Variants in OR5A1 observed in about 807,000 individuals in gnomAD.
OR5A1 encodes the protein olfactory receptor family 5 subfamily A member 1.
In OR5A1, 6 loss-of-function variants were observed where a neutral mutation model predicts 6.7. That is an observed-to-expected ratio of 0.89 (90% CI 0.49 to 1.76). The LOEUF (loss-of-function observed/expected upper bound fraction) is 1.76. Ranked by LOEUF, OR5A1 falls within the 40% of genes most tolerant of loss-of-function variation. The pLI, the probability that OR5A1 is intolerant of heterozygous loss-of-function variation, is 0.01. For synonymous variants in OR5A1, 170 were observed against 155.0 expected, an observed-to-expected ratio of 1.10 and a Z score of -0.72; for missense variants, 378 against 381.7, an observed-to-expected ratio of 0.99 and a Z score of 0.08.
In OR5A1 at chr11:59,443,254, T is replaced by C. The variant is rs1192062700; in HGVS notation, c.86T>C (p.Leu29Pro). The C allele has an allele frequency of 1.9e-6, 3 of 1,613,856 alleles. No homozygotes were observed. The African/African-American group carries it at 4.0e-5, about 22-fold the overall frequency. ...ACAGACCATCCAGAACTCCAGGCCC[T>C]CCTCTTTGTGACCTTCCTGGGCATC... ...GFTDHPELQA[L>P]LFVTFLGIYL... Residue 29 changes from leucine to proline, a missense_variant, in exon 2 of 2, where the codon CTC becomes CCC. Coordinates refer to ENST00000641045, the MANE Select transcript of OR5A1 (RefSeq NM_001004728.2).
At chr11:59,439,356 G>A (rs907817287) in intron 1 of OR5A1, among the ~76,000 whole-genome samples, 1 of 152,182 alleles carries the variant, frequency 6.6e-6, no homozygotes, top group Non-Finnish European at 1.5e-5. Flanking sequence ...GCATCTATGA[G>A]TCTAATGAGG....
chr11:59,440,184 C>T (rs1285771968), intron 1 of OR5A1, among the ~76,000 whole-genome samples: 2 of 152,172 alleles, frequency 1.3e-5, no homozygotes, highest in Non-Finnish European at 1.5e-5. Context: ...CCACCTCAGC[C>T]TCCTGGTAGC....
Position 59,447,609 on chromosome 11 carries a change from G to C in OR5A1, c.*3493G>C, listed in dbSNP as rs532257535. 3.3e-5 allele frequency: 5 copies of C among 152,294 alleles called. No individual in the cohort carries two copies. In the South Asian group the frequency reaches 8.3e-4, roughly 25 times the overall value. The allele number at this position is 152,294 out of a possible 1,614,324, so 9.4% of individuals were successfully genotyped here. A position where few individuals can be genotyped will look rare whatever the true frequency, so the allele number is the denominator to read the frequency against. On this transcript the variant is annotated 3_prime_UTR_variant, in exon 2 of 2. Transcript: ENST00000641045. ...GATTGTCTGATCCTCACCCCTATTT[G>C]GTTGCAGTTACATCATTAGCTTCTT...
Position 59,447,023 on chromosome 11 carries a change from G to A in OR5A1, c.*2907G>A, listed in dbSNP as rs1159532445. 6.6e-6 allele frequency: 1 copy of A among 152,132 alleles called. No individual in the cohort carries two copies. The highest frequency in any genetic ancestry group is 1.5e-5 in the Non-Finnish European group (1 of 68,028). The allele number at this position is 152,132 out of a possible 1,614,324, so 9.4% of individuals were successfully genotyped here. A position where few individuals can be genotyped will look rare whatever the true frequency, so the allele number is the denominator to read the frequency against. ...TACAAATCGTATATACAGGTACTCA[G>A]AGAGAGAGAGTTGAAATTTGCTGAG... On this transcript the variant is annotated 3_prime_UTR_variant, in exon 2 of 2. Coordinates refer to ENST00000641045, the MANE Select transcript of OR5A1 (RefSeq NM_001004728.2).
At position 59,443,628 on chromosome 11, in the gene OR5A1, G is replaced by T; in HGVS notation, c.460G>T (p.Gly154Cys). 1 of 1,614,028 alleles carries T rather than the reference G, an allele frequency of 6.2e-7. No individual in the cohort carries two copies. Among genetic ancestry groups the T allele is most frequent in the East Asian group, 2.2e-5 (1 of 44,872 alleles). The change falls in exon 2 of 2, where the codon GGT (glycine) becomes TGT (cysteine). Residue 154 changes from glycine (G) to cysteine (C), a missense_variant. Coordinates refer to ENST00000641045, the MANE Select transcript of OR5A1 (RefSeq NM_001004728.2). ...ACGCATGGTGGTTGGGGCATATGTT[G>T]GTGGCTTCCTGAGCTCCCTGATCCA... The part of the protein sequence containing the change: ...CTRMVVGAYV[G>C]GFLSSLIQAS...
Position 59,448,367 on chromosome 11 carries a change from A to G in OR5A1, c.*4251A>G, listed in dbSNP as rs1186396607. On this transcript the variant is annotated 3_prime_UTR_variant, in exon 2 of 2. Transcript: ENST00000641045. ...CTAAACTGAAGTTCCATCCACGACTATGAGGGGCCACTAGACCAGGAGCCT... is the reference window on the plus strand; with the variant it reads ...CTAAACTGAAGTTCCATCCACGACTGTGAGGGGCCACTAGACCAGGAGCCT... 6.6e-6 allele frequency: 1 copy of G among 152,188 alleles called. No individual in the cohort carries two copies. The highest frequency in any genetic ancestry group is 2.4e-5 in the African/African-American group (1 of 41,444). The allele number at this position is 152,188 out of a possible 1,614,324, so 9.4% of individuals were successfully genotyped here. A position where few individuals can be genotyped will look rare whatever the true frequency, so the allele number is the denominator to read the frequency against.
Position 59,443,921 on chromosome 11 carries a change from G to C in OR5A1, c.753G>C (p.Val251=). The change falls in exon 2 of 2, where the codon GTG becomes GTC. Residue 251 remains valine, a synonymous_variant. Coordinates refer to ENST00000641045, the MANE Select transcript of OR5A1 (RefSeq NM_001004728.2). ...CGTGTGCCTCGCATCTGATGGTGGTGACTCTGCTGTTTGGGACAGCCCTTT... is the reference window on the plus strand; with the variant it reads ...CGTGTGCCTCGCATCTGATGGTGGTCACTCTGCTGTTTGGGACAGCCCTTT... ...CNTCASHLMV[V]TLLFGTALFV... The C allele has an allele frequency of 1.2e-6, 2 of 1,614,120 alleles. No individual in the cohort carries two copies. The highest frequency in any genetic ancestry group is 1.7e-6 in the Non-Finnish European group (2 of 1,180,016).
At position 59,450,834 on chromosome 11, in the gene OR5A1, C is replaced by T. The variant is rs1012970947; in HGVS notation, c.*6718C>T. ...TTCCATGTTTAAAAGTACAATTCTA[C>T]GTTATCACTTTGAATGTCTGCAAAT... On this transcript the variant is annotated 3_prime_UTR_variant, in exon 2 of 2. Transcript: ENST00000641045. 1.3e-5 allele frequency: 2 copies of T among 152,178 alleles called. No individual in the cohort carries two copies. The highest frequency in any genetic ancestry group is 2.4e-5 in the African/African-American group (1 of 41,438). The allele number at this position is 152,178 out of a possible 1,614,324, so 9.4% of individuals were successfully genotyped here.
At chr11:59,442,694 G>A (rs141163714) in intron 1 of OR5A1, among the ~76,000 whole-genome samples, 75 of 152,298 alleles carry the variant, frequency 4.9e-4, no homozygotes, top group African/African-American at 1.6e-3. Flanking sequence ...CTTAGGTAAA[G>A]TAGATGAATA....
At chr11:59,441,768 G>A (rs1403399891) in intron 1 of OR5A1, among the ~76,000 whole-genome samples, 1 of 152,150 alleles carries the variant, frequency 6.6e-6, no homozygotes, top group Admixed American at 6.5e-5. Flanking sequence ...CAAATAATTT[G>A]ATTGAGGATA....
chr11:59,443,206 C>T lies in OR5A1; in HGVS notation c.38C>T (p.Thr13Ile). 6.2e-7 allele frequency: 1 copy of T among 1,614,052 alleles called. No individual in the cohort carries two copies. Among genetic ancestry groups the T allele is most frequent in the African/African-American group, 1.3e-5 (1 of 75,028 alleles). ...AAAGCCTGGAACAGCTCATCAGTGA[C>T]CATGTTCATCCTCCTGGGATTCACA... ...ITKAWNSSSVTMFILLGFTDH... is the reference protein window; with the variant it reads ...ITKAWNSSSVIMFILLGFTDH... The change falls in exon 2 of 2, where the codon ACC becomes ATC. Residue 13 changes from threonine to isoleucine, a missense_variant. By Grantham distance (89) the Thr-to-Ile change is moderately conservative (BLOSUM62 -1). Transcript: ENST00000641045.
At position 59,443,743 on chromosome 11, in the gene OR5A1, G is replaced by T. The variant is rs1373559353; in HGVS notation, c.575G>T (p.Cys192Phe). The change falls in exon 2 of 2, where the codon TGC (cysteine) becomes TTC (phenylalanine). Residue 192 changes from cysteine (C) to phenylalanine (F), a missense_variant. Cys to Phe is a radical substitution (Grantham distance 205, BLOSUM62 -2). Coordinates refer to ENST00000641045, the MANE Select transcript of OR5A1 (RefSeq NM_001004728.2). ...CTCCCACCAGTCCTGGCTCTGTCTT[G>T]CTCTGACACCTTCCTCAGTCAAGTG... is the stretch of plus-strand genomic sequence containing the variant. The part of the protein sequence containing the change: ...CDLPPVLALS[C>F]SDTFLSQVVN... The T allele has an allele frequency of 1.4e-5, 23 of 1,613,942 alleles. No individual in the cohort carries two copies. The highest frequency in any genetic ancestry group is 1.9e-5 in the Non-Finnish European group (22 of 1,180,002).
Position 59,450,481 on chromosome 11 carries a change from A to T in OR5A1, c.*6365A>T, listed in dbSNP as rs1207906528. 3.9e-5 allele frequency: 6 copies of T among 152,304 alleles called. No individual in the cohort carries two copies. In the East Asian group the frequency reaches 9.6e-4, roughly 24 times the overall value. 9.4% of individuals were successfully genotyped at this position (152,304 alleles called of 1,614,324 possible). On this transcript the variant is annotated 3_prime_UTR_variant, in exon 2 of 2. Transcript: ENST00000641045. ...CCATAATAAGTCAGCTTCTTAGAAC[A>T]ATTTTAAAAACAAAAAACAGAAAAA...
chr11:59,444,131 C>T lies in OR5A1; in HGVS notation c.*15C>T. 6.5e-7 allele frequency: 1 copy of T among 1,538,292 alleles called. No individual in the cohort carries two copies. The highest frequency in any genetic ancestry group is 9.0e-7 in the Non-Finnish European group (1 of 1,115,954). ...TGTTTTCTTAGGTCATGCGTAGAAA[C>T]TTATTTATCCAAACTGCTGGAGAAT... On this transcript the variant is annotated 3_prime_UTR_variant, in exon 2 of 2. Coordinates refer to ENST00000641045, the MANE Select transcript of OR5A1 (RefSeq NM_001004728.2).
Position 59,450,696 on chromosome 11 carries a change from C to A in OR5A1, c.*6580C>A, listed in dbSNP as rs1858606289. On this transcript the variant is annotated 3_prime_UTR_variant, in exon 2 of 2. Coordinates refer to ENST00000641045, the MANE Select transcript of OR5A1 (RefSeq NM_001004728.2). ...AATTACCAACAGATAATGGCTACTA[C>A]TGTTGTGATATATTAATACATCTTT... 1 of 152,068 alleles carries A rather than the reference C, an allele frequency of 6.6e-6. No homozygotes were observed. Among genetic ancestry groups the A allele is most frequent in the Admixed American group, 6.6e-5 (1 of 15,254 alleles). 9.4% of individuals were successfully genotyped at this position (152,068 alleles called of 1,614,324 possible). A position where few individuals can be genotyped will look rare whatever the true frequency, so the allele number is the denominator to read the frequency against.
In OR5A1 at chr11:59,443,433, T is replaced by C. The variant is rs1858506487; in HGVS notation, c.265T>C (p.Phe89Leu). The stretch of plus-strand genomic sequence containing the variant: ...GGCTCCCAATATGCTCACTGACTTC[T>C]TCTGGGAGCAGAAGACCATATCATT... Reference protein sequence around the residue: ...AVAPNMLTDFFWEQKTISFVG... With the variant: ...AVAPNMLTDFLWEQKTISFVG... The change falls in exon 2 of 2, where the codon TTC (phenylalanine) becomes CTC (leucine). Residue 89 changes from phenylalanine to leucine, a missense_variant. By Grantham distance (22) the Phe-to-Leu change is conservative (BLOSUM62 0). Coordinates refer to ENST00000641045, the MANE Select transcript of OR5A1 (RefSeq NM_001004728.2). 6.2e-7 allele frequency: 1 copy of C among 1,613,938 alleles called. No individual in the cohort carries two copies. The highest frequency in any genetic ancestry group is 1.3e-5 in the African/African-American group (1 of 75,038).
Position 59,444,369 on chromosome 11 carries a change from A to G in OR5A1, c.*253A>G. The G allele has an allele frequency of 3.3e-6, 1 of 303,116 alleles. No homozygotes were observed. The allele number at this position is 303,116 out of a possible 1,614,324, so 18.8% of individuals were successfully genotyped here. ...CTCCCCAGGATAACCTATTTTCACA[A>G]TAATCACAATAACTAGCCTTTATTG... On this transcript the variant is annotated 3_prime_UTR_variant, in exon 2 of 2. Transcript: ENST00000641045.
intron 1 of OR5A1, among the ~76,000 whole-genome samples, chr11:59,440,168 A>G (rs1393765223): frequency 6.6e-6 from 1 of 152,162 alleles, no homozygotes; most frequent in African/African-American, 2.4e-5. Flanking sequence ...GGCTCAAGCA[A>G]TCCTCCCACC....
rs182864700 is a variant in OR5A1, at chr11:59,447,727, G to C, written c.*3611G>C. On this transcript the variant is annotated 3_prime_UTR_variant, in exon 2 of 2. Transcript: ENST00000641045. ...ATGTTAAATCGACAGATAATGTTCT[G>C]TTGGAGGACATGGCTTTGATCTGGT... is the stretch of plus-strand genomic sequence containing the variant. 7.9e-5 allele frequency: 12 copies of C among 152,300 alleles called. No homozygotes were observed. The highest frequency in any genetic ancestry group is 1.2e-4 in the Non-Finnish European group (8 of 68,050). The allele number at this position is 152,300 out of a possible 1,614,324, so 9.4% of individuals were successfully genotyped here.
Sources: gnomAD v4.1 joint callset for allele counts (sites outside exome capture counted in the v4.1 genomes callset) on GRCh38, gnomAD v4.1.1 for gene constraint, MANE v1.5 for transcripts, NCBI Gene and HGNC (gene_info 2026-07-23, HGNC 2026-07-21) for gene names.